The following AKAP8L variants were observed in gnomAD, a reference collection of about 807,000 sequenced individuals.
AKAP8L encodes A-kinase anchor protein 8-like.
In AKAP8L, 34 loss-of-function variants were observed where a neutral mutation model predicts 77.5. That is an observed-to-expected ratio of 0.44 (90% CI 0.33 to 0.58). The LOEUF (loss-of-function observed/expected upper bound fraction) is 0.58, where lower values mean the gene tolerates loss of function less well. Among genes scored for constraint, AKAP8L ranks in the 20% least tolerant of loss-of-function variants. AKAP8L has a pLI of 0.02. For missense variants in AKAP8L, 806 were observed against 887.6 expected (o/e 0.91, Z 1.17); for synonymous variants, 342 against 340.7 (o/e 1.00, Z -0.04).
At chr19:15,384,901 C>T (rs1330388325) in intron 12 of AKAP8L, among the ~76,000 whole-genome samples, 1 of 151,708 alleles carries the variant, frequency 6.6e-6, no homozygotes, top group African/African-American at 2.4e-5. Context: ...GACGGAGTCT[C>T]GCTTTGTCGC....
At chr19:15,389,499 G>A (rs1313442193) in intron 12 of AKAP8L, among the ~76,000 whole-genome samples, 1 of 151,924 alleles carries the variant, frequency 6.6e-6, no homozygotes, top group Non-Finnish European at 1.5e-5. Flanking sequence ...CAGGCCGGGC[G>A]TGGTGGCTCA....
chr19:15,402,917 C>G (rs932680455), intron 4 of AKAP8L, among the ~76,000 whole-genome samples: 1 of 152,238 alleles, frequency 6.6e-6, no homozygotes, highest in African/African-American at 2.4e-5. Context: ...CCTGCCTGCA[C>G]TTCTGTATCC....
intron 12 of AKAP8L, among the ~76,000 whole-genome samples, chr19:15,386,694 G>A (rs1036660582): frequency 6.6e-6 from 1 of 151,844 alleles, no homozygotes; most frequent in African/African-American, 2.4e-5. Context: ...TTTCACTCTT[G>A]GTTGCCCAGG....
At chr19:15,383,894 A>C (rs1447074578) in intron 12 of AKAP8L, 3 of 151,344 alleles carry the variant, frequency 2.0e-5, no homozygotes, top group African/African-American at 7.3e-5. Flanking sequence ...ATTTAAGAAC[A>C]CAGAACATTC....
intron 1 of AKAP8L, among the ~76,000 whole-genome samples, chr19:15,412,064 T>C (rs1169100665): frequency 6.6e-6 from 1 of 152,114 alleles, no homozygotes; most frequent in Non-Finnish European, 1.5e-5. Context: ...AAAAATTAGC[T>C]GGGCGTGGTG....
At chr19:15,405,638 T>C (rs966380076) in intron 2 of AKAP8L, among the ~76,000 whole-genome samples, 4 of 151,006 alleles carry the variant, frequency 2.6e-5, no homozygotes, top group East Asian at 2.0e-4. Context: ...CTAAAGAAAA[T>C]AGGAGTTGGG....
At chr19:15,391,226 C>T (rs1224964533) in intron 12 of AKAP8L, among the ~76,000 whole-genome samples, 3 of 151,818 alleles carry the variant, frequency 2.0e-5, no homozygotes, top group East Asian at 1.9e-4. Context: ...TTTGGGAGGC[C>T]GAGGCGGGTG....
rs548455673 is a variant in AKAP8L at position 15,401,064 on chromosome 19, G to A, written c.817-21C>T. 7 of 1,610,410 alleles carry A rather than the reference G, an allele frequency of 4.3e-6. No homozygotes were observed. The East Asian group carries it at 1.6e-4, about 36-fold the overall frequency. ...TTGGTCTGGGTCATAAGGGGGGGAA[G>A]CCGTGTCAGGGTGCATGGCACCCGG... is the stretch of plus-strand genomic sequence containing the variant. On this transcript the variant is annotated intron_variant, in intron 5 of 13. Coordinates refer to ENST00000397410, the MANE Select transcript of AKAP8L (RefSeq NM_014371.4). The surrounding 1 kb of genome is among the most constrained non-coding windows in gnomAD (Gnocchi z 6.2).
rs1298096479 is a variant in AKAP8L, at chr19:15,391,353, G to C, written c.1536+5797C>G. On this transcript the variant is annotated intron_variant, in intron 12 of 13. Coordinates refer to ENST00000397410, the MANE Select transcript of AKAP8L (RefSeq NM_014371.4). ...GGCACCTGTAGTCCCAGCTACTTGGGAGGCTGAGGCAGGAGAATGGCGTGA... is the reference window on the plus strand; with the variant it reads ...GGCACCTGTAGTCCCAGCTACTTGGCAGGCTGAGGCAGGAGAATGGCGTGA... Among the ~76,000 whole-genome samples the C allele has an allele frequency of 2.7e-5, 4 of 146,896 alleles. No individual in the cohort carries two copies. The East Asian group carries it at 6.4e-4, about 24-fold the overall frequency.
chr19:15,415,525 C>T (rs1405369443), intron 1 of AKAP8L, among the ~76,000 whole-genome samples: 3 of 152,116 alleles, frequency 2.0e-5, no homozygotes, highest in Non-Finnish European at 2.9e-5. Context: ...GGATCTTGCT[C>T]TGTTGCCCAG....
chr19:15,390,378 C>T (rs1025697591), intron 12 of AKAP8L, among the ~76,000 whole-genome samples: 14 of 149,938 alleles, frequency 9.3e-5, no homozygotes, highest in Admixed American at 4.7e-4. Context: ...GAGATCACAC[C>T]GTTGCACTCC....
In AKAP8L at chr19:15,394,269, A is replaced by G. The variant is rs1430340807; in HGVS notation, c.1536+2881T>C. 1.3e-4 allele frequency among the ~76,000 whole-genome samples: 20 copies of G among 152,320 alleles called. 1 individual carries two copies. The highest frequency in any genetic ancestry group is 1.5e-5 in the Non-Finnish European group (1 of 68,026). ...GGAATGAAGTTCTGATACATGCTAC[A>G]ATGTGGCTGGACCCCAAAAACATCA... is the stretch of plus-strand genomic sequence containing the variant. On this transcript the variant is annotated intron_variant, in intron 12 of 13. Coordinates refer to ENST00000397410, the MANE Select transcript of AKAP8L (RefSeq NM_014371.4).
At chr19:15,407,041 A>G (rs1008486521) in intron 2 of AKAP8L, among the ~76,000 whole-genome samples, 2 of 152,048 alleles carry the variant, frequency 1.3e-5, no homozygotes, top group African/African-American at 2.4e-5. Context: ...AGATCGCTTG[A>G]GCCCAGGAGT....
chr19:15,382,333 C>A (rs1967436362), intron 12 of AKAP8L, among the ~76,000 whole-genome samples: 2 of 151,806 alleles, frequency 1.3e-5, no homozygotes, highest in South Asian at 4.1e-4. Context: ...TCCTGAGTAG[C>A]TAGGACTACG....
At chr19:15,388,743 G>GTC (rs1568262766) in intron 12 of AKAP8L, among the ~76,000 whole-genome samples, 1 of 146,342 alleles carries the variant, frequency 6.8e-6, no homozygotes, top group Non-Finnish European at 1.5e-5. Context: ...GTGAAACCCC[G>GTC]TCTCTACTAA....
Position 15,397,677 on chromosome 19 carries a change from A to G in AKAP8L, c.1299+37T>C. On this transcript the variant is annotated intron_variant, in intron 10 of 13. Transcript: ENST00000397410. This position sits in a 1 kb window ranked among gnomAD's most constrained non-coding sequence, Gnocchi z 4.7. ...GGCCGCCTTATGTTCTCAGGGGTCC[A>G]AGAAACTAAGAGCGGCTGTGTTACT... 6.2e-7 allele frequency: 1 copy of G among 1,613,982 alleles called. No individual in the cohort carries two copies. Among genetic ancestry groups the G allele is most frequent in the Non-Finnish European group, 8.5e-7 (1 of 1,179,874 alleles).
chr19:15,408,923 TA>T (rs1159243329), intron 2 of AKAP8L, among the ~76,000 whole-genome samples: 1 of 152,062 alleles, frequency 6.6e-6, no homozygotes, highest in Non-Finnish European at 1.5e-5. Flanking sequence ...TTTTGTTTTT[TA>T]AACAAATGGT....
intron 12 of AKAP8L, among the ~76,000 whole-genome samples, chr19:15,389,084 C>CGTG (rs1967603671): frequency 6.8e-6 from 1 of 146,594 alleles, no homozygotes; most frequent in Non-Finnish European, 1.5e-5. Flanking sequence ...ATTAGCCGGG[C>CGTG]GTGGTGGTGG....
At chr19:15,387,337 G>A (rs1306776326) in intron 12 of AKAP8L, among the ~76,000 whole-genome samples, 2 of 152,162 alleles carry the variant, frequency 1.3e-5, no homozygotes, top group African/African-American at 4.8e-5. Context: ...CAATCTCAAA[G>A]GAACTGACTG....
Sources: gnomAD v4.1 joint callset for allele counts (sites outside exome capture counted in the v4.1 genomes callset) on GRCh38, gnomAD v4.1.1 for gene constraint, Gnocchi (gnomAD v3.1) non-coding constraint, MANE v1.5 for transcripts, NCBI Gene and HGNC (gene_info 2026-07-23, HGNC 2026-07-21) for gene names.